Variants in OXR1 observed in about 807,000 individuals in gnomAD.
The protein encoded by OXR1 is oxidation resistance 1, also known as oxidation resistance protein 1.
OXR1 carries 41 observed loss-of-function variants against 104.6 expected under a neutral mutation model. The ratio of observed to expected loss-of-function variants is 0.39; its 90% CI spans 0.31 to 0.51. OXR1 has a LOEUF of 0.51. OXR1 is among the 20% of genes least tolerant of loss of function. The pLI, the probability that OXR1 is intolerant of heterozygous loss-of-function variation, is 0.77. For synonymous variants in OXR1, 348 were observed against 348.4 expected (o/e 1.00, Z 0.01); for missense variants, 955 against 1,031.9 (o/e 0.93, Z 1.02).
chr8:106,623,615 G>A (rs1821905730), intron 3 of OXR1, among the ~76,000 whole-genome samples: 1 of 152,120 alleles, frequency 6.6e-6, no homozygotes, highest in South Asian at 2.1e-4. Context: ...TTGTGGGGCA[G>A]GTGAATAGTA....
At chr8:106,539,670 A>G (rs960905739) in intron 3 of OXR1, among the ~76,000 whole-genome samples, 2 of 152,222 alleles carry the variant, frequency 1.3e-5, no homozygotes, top group African/African-American at 4.8e-5. Context: ...GCCATAGAGA[A>G]GTATGTTGAT....
At chr8:106,277,427 C>T (rs1812095042) in intron 1 of OXR1, among the ~76,000 whole-genome samples, 1 of 152,214 alleles carries the variant, frequency 6.6e-6, no homozygotes, top group African/African-American at 2.4e-5. Flanking sequence ...TGTCCTTGTA[C>T]TCTGCTAATT....
At chr8:106,515,319 A>G (rs1490587962) in intron 2 of OXR1, among the ~76,000 whole-genome samples, 1 of 152,112 alleles carries the variant, frequency 6.6e-6, no homozygotes, top group East Asian at 1.9e-4. Context: ...TGTGGTGACA[A>G]CGCTGAAAAC....
chr8:106,456,856 T>C (rs1820622990), intron 2 of OXR1, among the ~76,000 whole-genome samples: 1 of 152,192 alleles, frequency 6.6e-6, no homozygotes. Context: ...AACATGTGTG[T>C]GCATGTGTTT....
chr8:106,648,978 G>A (rs1348741410), intron 3 of OXR1, among the ~76,000 whole-genome samples: 1 of 152,198 alleles, frequency 6.6e-6, no homozygotes, highest in Non-Finnish European at 1.5e-5. Flanking sequence ...GCAGAGGCAT[G>A]CAGATCGTTT....
intron 2 of OXR1, among the ~76,000 whole-genome samples, chr8:106,463,730 G>C (rs1321462634): frequency 6.6e-6 from 1 of 152,054 alleles, no homozygotes; most frequent in Non-Finnish European, 1.5e-5. Flanking sequence ...TTGTCTAAAC[G>C]AGCCTATCCG....
chr8:106,591,181 G>T (rs1007089633), intron 3 of OXR1, among the ~76,000 whole-genome samples: 13 of 148,856 alleles, frequency 8.7e-5, no homozygotes, highest in Non-Finnish European at 4.5e-5. Flanking sequence ...GCAAACTATC[G>T]CAAGGACAAA....
chr8:106,401,160 AT>A (rs1252529976), intron 2 of OXR1, among the ~76,000 whole-genome samples: 1 of 152,096 alleles, frequency 6.6e-6, no homozygotes, highest in East Asian at 1.9e-4. Flanking sequence ...GCATCTGGCC[AT>A]TTCTCCTTCA....
At chr8:106,668,268 T>C (rs1826557908) in intron 3 of OXR1, among the ~76,000 whole-genome samples, 1 of 152,224 alleles carries the variant, frequency 6.6e-6, no homozygotes, top group Admixed American at 6.5e-5. Flanking sequence ...ATTTCAGTCT[T>C]ATAGCACTGA....
At chr8:106,431,144 T>C (rs987800782) in intron 2 of OXR1, among the ~76,000 whole-genome samples, 31 of 152,128 alleles carry the variant, frequency 2.0e-4, no homozygotes, top group African/African-American at 6.8e-4. Context: ...GCTAAGCCAG[T>C]GTATAGGGGT....
In OXR1 at chr8:106,751,342, A is replaced by G. The variant is rs1427679537; in HGVS notation, c.*401A>G. On this transcript the variant is annotated 3_prime_UTR_variant, in exon 17 of 17. Transcript: ENST00000517566. ...ACAGTCTAATTGGGGCATTGAGGAA[A>G]TGAAGACTGGATACTTCTGTATCTG... 6.5e-6 allele frequency: 1 copy of G among 153,782 alleles called. No individual in the cohort carries two copies. Among genetic ancestry groups the G allele is most frequent in the African/African-American group, 2.4e-5 (1 of 41,494 alleles). 9.5% of individuals were successfully genotyped at this position (153,782 alleles called of 1,614,324 possible). A position where few individuals can be genotyped will look rare whatever the true frequency, so the allele number is the denominator to read the frequency against.
chr8:106,681,407 C>A (rs1302241938), intron 4 of OXR1, among the ~76,000 whole-genome samples: 1 of 152,036 alleles, frequency 6.6e-6, no homozygotes, highest in Admixed American at 6.5e-5. Flanking sequence ...TTTATAAAAC[C>A]ATTAAGGAAA....
chr8:106,545,076 C>G (rs902609529), intron 3 of OXR1, among the ~76,000 whole-genome samples: 2 of 152,138 alleles, frequency 1.3e-5, no homozygotes, highest in Admixed American at 1.3e-4. Context: ...AACAGTATCC[C>G]TGGCCTATAC....
At chr8:106,338,332 T>C (rs1304266540) in intron 1 of OXR1, among the ~76,000 whole-genome samples, 3 of 152,040 alleles carry the variant, frequency 2.0e-5, no homozygotes, top group Non-Finnish European at 2.9e-5. Context: ...TCCCAGCACT[T>C]TGGGAGGCCG....
chr8:106,577,398 T>A (rs1390946884), intron 3 of OXR1, among the ~76,000 whole-genome samples: 1 of 137,670 alleles, frequency 7.3e-6, no homozygotes, highest in African/African-American at 2.7e-5. Flanking sequence ...TTTTTTTTTT[T>A]TTTTTTTTGA....
chr8:106,354,118 T>C (rs145760135), intron 1 of OXR1, among the ~76,000 whole-genome samples: 2,674 of 151,492 alleles, frequency 0.018, 35 homozygotes, highest in Middle Eastern at 0.034. Context: ...TTTTTTTTAA[T>C]GTATAGTATA....
At chr8:106,551,758 G>C (rs1325134507) in intron 3 of OXR1, among the ~76,000 whole-genome samples, 1 of 145,436 alleles carries the variant, frequency 6.9e-6, no homozygotes, top group Non-Finnish European at 1.5e-5. Context: ...AACCAGCCTA[G>C]GCAACAAAGT....
chr8:106,635,758 G>A lies in OXR1; in HGVS notation c.221-43452G>A, dbSNP rs557181417. On this transcript the variant is annotated intron_variant, in intron 3 of 16. Coordinates refer to ENST00000517566, the MANE Select transcript of OXR1 (RefSeq NM_001198533.2). ...CCATTGCACCCGGCCTCGAATTTTA[G>A]AAATAACTATAAGAAAGAAGTTTCT... Among the ~76,000 whole-genome samples, 8 of 152,188 alleles carry A rather than the reference G, an allele frequency of 5.3e-5. No individual in the cohort carries two copies. In the South Asian group the frequency reaches 1.5e-3, roughly 28 times the overall value.
chr8:106,574,077 T>C (rs1817660657), intron 3 of OXR1, among the ~76,000 whole-genome samples: 1 of 152,216 alleles, frequency 6.6e-6, no homozygotes, highest in African/African-American at 2.4e-5. Flanking sequence ...AAATGGCTAC[T>C]AAATATAGTG....
Sources: allele counts gnomAD v4.1 joint callset (sites outside exome capture counted in the v4.1 genomes callset), GRCh38; gene constraint gnomAD v4.1.1; transcripts MANE v1.5; gene names NCBI Gene and HGNC (gene_info 2026-07-23, HGNC 2026-07-21).